The following GPRIN2 variants were observed in gnomAD, a reference collection of about 807,000 sequenced individuals.
GPRIN2 encodes G protein regulated inducer of neurite outgrowth 2.
Under a neutral mutation model 0.3 loss-of-function variants are expected in GPRIN2, and 1 was observed. The ratio of observed to expected loss-of-function variants is 3.90; its 90% CI spans 1.39 to 18.51. The LOEUF is 18.51. Ranked by LOEUF, GPRIN2 falls within the 30% of genes most tolerant of loss-of-function variation. The pLI is 0.11. For synonymous variants in GPRIN2, 361 were observed against 258.6 expected (o/e 1.40, Z -3.80); for missense variants, 880 against 604.2 (o/e 1.46, Z -4.79).
chr10:46,553,499 A>T (rs1238343367), intron 2 of GPRIN2, among the ~76,000 whole-genome samples: 1 of 152,298 alleles, frequency 6.6e-6, no homozygotes, highest in Non-Finnish European at 1.5e-5. Flanking sequence ...CCACCCTCCC[A>T]GGGAGGGGGG....
rs1832528999 is a variant in GPRIN2, at chr10:46,549,985, G to A, written c.752C>T (p.Pro251Leu). ...VRAGGCCHAL[P>L]ATGILAFPKL... ...GGGAAAGGCCAGGATCCCTGTGGCA[G>A]GTAGGGCATGGCAGCAGCCACCAGC... The change falls in exon 3 of 3, where the codon CCT becomes CTT. Residue 251 changes from proline (P) to leucine (L), a missense_variant. Transcript: ENST00000374314. 13 of 1,614,086 alleles carry A rather than the reference G, an allele frequency of 8.1e-6. No homozygotes were observed. Among genetic ancestry groups the A allele is most frequent in the Non-Finnish European group, 1.0e-5 (12 of 1,179,954 alleles).
rs938046836 is a variant in GPRIN2, at chr10:46,547,226, T to G, written c.*2134A>C. 3.9e-4 allele frequency among the ~76,000 whole-genome samples: 59 copies of G among 152,396 alleles called. No individual in the cohort carries two copies. Among genetic ancestry groups the G allele is most frequent in the African/African-American group, 1.3e-3 (52 of 41,578 alleles). On this transcript the variant is annotated 3_prime_UTR_variant, in exon 3 of 3. Coordinates refer to ENST00000374314, the MANE Select transcript of GPRIN2 (RefSeq NM_001385282.1). ...ATGTGTGCCTGTGTATGCGTGTGTGTGCACGTGTATGAACCCAGCCCCCAG... is the reference window on the plus strand; with the variant it reads ...ATGTGTGCCTGTGTATGCGTGTGTGGGCACGTGTATGAACCCAGCCCCCAG...
intron 1 of GPRIN2, among the ~76,000 whole-genome samples, chr10:46,555,922 G>C (rs1235349544): frequency 6.6e-6 from 1 of 152,310 alleles, no homozygotes; most frequent in Non-Finnish European, 1.5e-5. Flanking sequence ...CCCTGCTGCG[G>C]GGCCAAAGGC....
rs1842458348 is a variant in GPRIN2 at position 46,549,745 on chromosome 10, G to A, written c.992C>T (p.Ser331Leu). The A allele has an allele frequency of 6.2e-7, 1 of 1,614,218 alleles. No individual in the cohort carries two copies. Among genetic ancestry groups the A allele is most frequent in the Non-Finnish European group, 8.5e-7 (1 of 1,180,014 alleles). ...DLAPAEASPL[S>L]AQDAGVQAAP... ...CGCCTGCACACCAGCATCCTGGGCT[G>A]ACAGCGGGGATGCCTCTGCAGGGGC... The change falls in exon 3 of 3, where the codon TCA (serine) becomes TTA (leucine). Residue 331 changes from serine to leucine, a missense_variant. By Grantham distance (145) the Ser-to-Leu change is moderately radical (BLOSUM62 -2). Transcript: ENST00000374314.
At chr10:46,556,356 C>A (rs1588981114) in intron 1 of GPRIN2, among the ~76,000 whole-genome samples, 142 bp downstream of exon 1, 1 of 152,428 alleles carries the variant, frequency 6.6e-6, no homozygotes, top group South Asian at 2.1e-4. Flanking sequence ...CCACCGGGGG[C>A]TCTGGGCGCT....
At chr10:46,557,347 G>C (rs1831743090), upstream of GPRIN2, among the ~76,000 whole-genome samples, 11 of 152,400 alleles carry the variant, frequency 7.2e-5, no homozygotes, top group East Asian at 2.1e-3. Context: ...CCTGGCCCCC[G>C]GAGCCCTCCA....
chr10:46,553,834 A>G (rs1832025072), intron 2 of GPRIN2, among the ~76,000 whole-genome samples: 1 of 152,426 alleles, frequency 6.6e-6, no homozygotes, highest in African/African-American at 2.4e-5. Flanking sequence ...GCTAACTACA[A>G]CCTGGCCTTC....
rs1477988301 is a variant in GPRIN2, at chr10:46,547,024, A to G, written c.*2336T>C. 6.6e-6 allele frequency among the ~76,000 whole-genome samples: 1 copy of G among 152,302 alleles called. No individual in the cohort carries two copies. The highest frequency in any genetic ancestry group is 6.5e-5 in the Admixed American group (1 of 15,294). On this transcript the variant is annotated 3_prime_UTR_variant, in exon 3 of 3. Coordinates refer to ENST00000374314, the MANE Select transcript of GPRIN2 (RefSeq NM_001385282.1). The stretch of plus-strand genomic sequence containing the variant: ...TAAGAATCTGCACGTGACACAGAAG[A>G]AAGTCTCTTCATGAAGTAGGTTTCA...
upstream of GPRIN2, among the ~76,000 whole-genome samples, chr10:46,557,093 C>G (rs1341697830): frequency 6.6e-6 from 1 of 151,216 alleles, no homozygotes. Context: ...CGGCGGCTAC[C>G]CCTTTCCTCT....
In GPRIN2 at chr10:46,545,540, C is replaced by T. The variant is rs1319455973; in HGVS notation, c.*3820G>A. On this transcript the variant is annotated 3_prime_UTR_variant, in exon 3 of 3. Coordinates refer to ENST00000374314, the MANE Select transcript of GPRIN2 (RefSeq NM_001385282.1). ...AGATGAGTGGTGAGGGCTAGGGTAG[C>T]CCTCCTCAATGCACTCTGGGAACTA... Among the ~76,000 whole-genome samples the T allele has an allele frequency of 2.0e-5, 3 of 152,306 alleles. No individual in the cohort carries two copies. Among genetic ancestry groups the T allele is most frequent in the Admixed American group, 6.5e-5 (1 of 15,294 alleles).
Position 46,556,567 on chromosome 10 carries a change from C to G in GPRIN2, c.-187G>C, listed in dbSNP as rs887280792. Among the ~76,000 whole-genome samples the G allele has an allele frequency of 7.2e-5, 11 of 152,190 alleles. No individual in the cohort carries two copies. Among genetic ancestry groups the G allele is most frequent in the African/African-American group, 2.7e-4 (11 of 41,454 alleles). ...TGCGGCCGCCACAGGTGCCAGGTGC[C>G]GCGGCCCAAGATGGAGCCAGAGCCG... On this transcript the variant is annotated 5_prime_UTR_variant, in exon 1 of 3. Transcript: ENST00000374314.
intron 1 of GPRIN2, chr10:46,555,564 C>T (rs1843098249): frequency 1.3e-5 from 2 of 153,420 alleles, no homozygotes; most frequent in African/African-American, 4.8e-5. Context: ...AAAACCTGCC[C>T]TTCACAATGA....
chr10:46,557,093 C>A (rs1341697830), upstream of GPRIN2, among the ~76,000 whole-genome samples: 2 of 151,216 alleles, frequency 1.3e-5, no homozygotes, highest in African/African-American at 4.8e-5. Context: ...CGGCGGCTAC[C>A]CCTTTCCTCT....
upstream of GPRIN2, among the ~76,000 whole-genome samples, chr10:46,557,439 C>A (rs1588983137): frequency 6.6e-6 from 1 of 152,308 alleles, no homozygotes; most frequent in Admixed American, 6.5e-5. Context: ...GGTAATCTAC[C>A]ACCCCTTTCC....
upstream of GPRIN2, among the ~76,000 whole-genome samples, chr10:46,557,322 A>T (rs1028590648): frequency 1.3e-5 from 2 of 152,282 alleles, no homozygotes; most frequent in African/African-American, 4.8e-5. Flanking sequence ...TTTGAACTCC[A>T]TGATCCTGGC....
rs1171772901 is a variant in GPRIN2, at chr10:46,549,279, G to C, written c.*81C>G. 7.0e-7 allele frequency: 1 copy of C among 1,431,640 alleles called. No individual in the cohort carries two copies. Among genetic ancestry groups the C allele is most frequent in the Admixed American group, 3.0e-5 (1 of 33,104 alleles). 88.7% of individuals were successfully genotyped at this position (1,431,640 alleles called of 1,614,324 possible). ...GTGCCCAGCTGCCGGTGGGTCCAGGGGGCACGGAGCCCCCACCGTCCCTGG... is the reference window on the plus strand; with the variant it reads ...GTGCCCAGCTGCCGGTGGGTCCAGGCGGCACGGAGCCCCCACCGTCCCTGG... On this transcript the variant is annotated 3_prime_UTR_variant, in exon 3 of 3. Transcript: ENST00000374314.
rs1832560026 is a variant in GPRIN2 at position 46,549,893 on chromosome 10, A to G, written c.844T>C (p.Leu282=). The G allele has an allele frequency of 6.2e-7, 1 of 1,614,274 alleles. No individual in the cohort carries two copies. Among genetic ancestry groups the G allele is most frequent in the Admixed American group, 1.7e-5 (1 of 60,036 alleles). Residue 282 remains leucine (L), a synonymous_variant, in exon 3 of 3, where the codon TTG becomes CTG. Transcript: ENST00000374314. The part of the protein sequence containing the change: ...AQHGVKIHCR[L]SGGLPGHSHC... ...GAATGCCCAGGGAGCCCCCCAGACA[A>G]CCTACAGTGGATCTTCACCCCATGC...
At position 46,550,365 on chromosome 10, in the gene GPRIN2, C is replaced by T; in HGVS notation, c.372G>A (p.Leu124=). The T allele has an allele frequency of 1.2e-6, 2 of 1,612,838 alleles. No individual in the cohort carries two copies. Among genetic ancestry groups the T allele is most frequent in the Non-Finnish European group, 1.7e-6 (2 of 1,179,912 alleles). Residue 124 remains leucine (L), a synonymous_variant, in exon 3 of 3, where the codon CTG becomes CTA. Coordinates refer to ENST00000374314, the MANE Select transcript of GPRIN2 (RefSeq NM_001385282.1). ...GTCCCCGCATCTGGGTGCTACGGAC[C>T]AGGTCTGAATGGCTCCTCTGCATAG... ...AAAMQRSHSD[L]VRSTQMRGHS... is the part of the protein sequence containing the mutation.
intron 2 of GPRIN2, among the ~76,000 whole-genome samples, chr10:46,552,695 G>A (rs1397309026): frequency 6.6e-6 from 1 of 152,308 alleles, no homozygotes; most frequent in African/African-American, 2.4e-5. Flanking sequence ...CAAGCACTCA[G>A]CAGGGGGCTA....
Sources: allele counts gnomAD v4.1 joint callset (sites outside exome capture counted in the v4.1 genomes callset), GRCh38; gene constraint gnomAD v4.1.1; transcripts MANE v1.5; gene names NCBI Gene and HGNC (gene_info 2026-07-23, HGNC 2026-07-21).